Variants in FANCL observed in about 807,000 individuals in gnomAD.
FANCL encodes the protein FA complementation group L, also known as E3 ubiquitin-protein ligase FANCL.
In FANCL, 69 loss-of-function variants were observed where a neutral mutation model predicts 59.4. The ratio of observed to expected loss-of-function variants is 1.16; its 90% confidence interval spans 0.96 to 1.42. The LOEUF (loss-of-function observed/expected upper bound fraction) is 1.42. Ranked by LOEUF, FANCL falls within the 40% of genes most tolerant of loss-of-function variation. FANCL has a pLI of 0.00. For missense variants in FANCL, 519 were observed against 447.2 expected, an observed-to-expected ratio of 1.16 and a Z score of -1.45; for synonymous variants, 180 against 147.1, an observed-to-expected ratio of 1.22 and a Z score of -1.62.
At chr2:58,162,708 CCAAT>C (rs1685387368) in intron 11 of FANCL, among the ~76,000 whole-genome samples, 154 bp downstream of exon 11, 1 of 151,850 alleles carries the variant, frequency 6.6e-6, no homozygotes, top group East Asian at 1.9e-4. Context: ...TACTTAACAA[CCAAT>C]CAAAGGTAAA....
At chr2:58,216,954 G>A (rs1691782809) in intron 5 of FANCL, among the ~76,000 whole-genome samples, 1 of 150,718 alleles carries the variant, frequency 6.6e-6, no homozygotes, top group African/African-American at 2.4e-5. Context: ...TTTTATTACA[G>A]CTTTTTAAAT....
Position 58,191,226 on chromosome 2 carries a change from G to C in FANCL, c.540+7368C>G, listed in dbSNP as rs962341404. On this transcript the variant is annotated intron_variant, in intron 7 of 13. Transcript: ENST00000233741. ...GAGAGAATGTTAATAAATTATACTC[G>C]CATTAAAATAAATTTGCTTCACTAA... Among the ~76,000 whole-genome samples the C allele has an allele frequency of 2.6e-5, 4 of 151,482 alleles. No homozygotes were observed. In the East Asian group the frequency reaches 5.8e-4, roughly 22 times the overall value.
chr2:58,221,569 T>A (rs1053626599), intron 5 of FANCL, among the ~76,000 whole-genome samples: 2 of 152,194 alleles, frequency 1.3e-5, no homozygotes, highest in African/African-American at 4.8e-5. Flanking sequence ...AAATTGTATA[T>A]TAACCAAAAA....
At chr2:58,202,067 G>T (rs1404461) in intron 6 of FANCL, among the ~76,000 whole-genome samples, 23 of 151,442 alleles carry the variant, frequency 1.5e-4, no homozygotes, top group Middle Eastern at 3.4e-3. Context: ...TAGTGTAGTT[G>T]ACTGACAATC....
At chr2:58,196,688 C>T (rs1689454731) in intron 7 of FANCL, among the ~76,000 whole-genome samples, 3 of 152,006 alleles carry the variant, frequency 2.0e-5, no homozygotes, top group Non-Finnish European at 2.9e-5. Flanking sequence ...AAATAAAGTA[C>T]TAAACAATCT....
At chr2:58,207,780 C>T (rs1004492705) in intron 5 of FANCL, among the ~76,000 whole-genome samples, 2 of 152,098 alleles carry the variant, frequency 1.3e-5, no homozygotes, top group Admixed American at 1.3e-4. Flanking sequence ...TGTTTCATGT[C>T]GGGCATAATG....
At chr2:58,176,486 A>C (rs1687331194) in intron 7 of FANCL, among the ~76,000 whole-genome samples, 1 of 152,116 alleles carries the variant, frequency 6.6e-6, no homozygotes, top group Non-Finnish European at 1.5e-5. Context: ...CATATCTACA[A>C]CTACCTGATC....
intron 7 of FANCL, among the ~76,000 whole-genome samples, chr2:58,195,180 T>A: frequency 6.6e-6 from 1 of 152,200 alleles, no homozygotes; most frequent in East Asian, 1.9e-4. Flanking sequence ...TAAAAAAGAT[T>A]ACACATAACA....
Position 58,162,876 on chromosome 2 carries a change from A to G in FANCL, c.893T>C (p.Leu298Pro). Residue 298 changes from leucine to proline, a missense_variant, in exon 11 of 14, where the codon CTG (leucine) becomes CCG (proline). Coordinates refer to ENST00000233741, the MANE Select transcript of FANCL (RefSeq NM_018062.4). ...ACTGATAAAACTTACAGATTTTTCC[A>G]GGATAGCACGAGCTGGAAAATCAAT... ...LEIDFPARAI[L>P]EKSDFTMDCG... The G allele has an allele frequency of 6.2e-7, 1 of 1,612,016 alleles. No homozygotes were observed. Among genetic ancestry groups the G allele is most frequent in the Non-Finnish European group, 8.5e-7 (1 of 1,178,530 alleles).
rs994212546 is a variant in FANCL, at chr2:58,221,876, T to C, written c.374+66A>G. 3 of 1,165,266 alleles carry C rather than the reference T, an allele frequency of 2.6e-6. No homozygotes were observed. In the East Asian group the frequency reaches 7.7e-5, roughly 30 times the overall value. 72.2% of individuals were successfully genotyped at this position (1,165,266 alleles called of 1,614,324 possible). A position where few individuals can be genotyped will look rare whatever the true frequency, so the allele number is the denominator to read the frequency against. ...AAAATCAGGTATAAACTGCTAAAACTAGAAATACATTAAGTTAAAATATAT... is the reference window on the plus strand; with the variant it reads ...AAAATCAGGTATAAACTGCTAAAACCAGAAATACATTAAGTTAAAATATAT... On this transcript the variant is annotated intron_variant, in intron 5 of 13. Transcript: ENST00000233741.
chr2:58,217,205 TATATATATATACACACACACACAC>T (rs1691904661), intron 5 of FANCL, among the ~76,000 whole-genome samples: 7 of 8,924 alleles, frequency 7.8e-4, no homozygotes, highest in African/African-American at 3.0e-3. Context: ...TATATATATA[TATATATATATACACACACACACAC>T]ACACACACAC....
intron 5 of FANCL, among the ~76,000 whole-genome samples, chr2:58,206,697 A>C (rs1368663712): frequency 2.0e-5 from 3 of 152,186 alleles, no homozygotes; most frequent in East Asian, 1.9e-4. Flanking sequence ...ACTACAGAAA[A>C]AGTGCCACGC....
At chr2:58,173,041 C>T (rs971344524) in intron 7 of FANCL, among the ~76,000 whole-genome samples, 22 of 151,848 alleles carry the variant, frequency 1.4e-4, no homozygotes, top group African/African-American at 4.4e-4. Flanking sequence ...GTATCAGTGA[C>T]GGAAGATGAA....
chr2:58,197,673 G>A (rs986739420), intron 7 of FANCL, among the ~76,000 whole-genome samples: 2 of 152,240 alleles, frequency 1.3e-5, no homozygotes, highest in Middle Eastern at 3.4e-3. Context: ...ACAGAAGCAG[G>A]AGAATCTTCT....
chr2:58,218,463 A>G (rs1002856926), intron 5 of FANCL, among the ~76,000 whole-genome samples: 11 of 152,028 alleles, frequency 7.2e-5, no homozygotes, highest in Non-Finnish European at 1.5e-4. Flanking sequence ...CAGCATCACT[A>G]TAGATCCTAA....
At chr2:58,193,242 TA>T (rs1573651702) in intron 7 of FANCL, among the ~76,000 whole-genome samples, 1 of 152,068 alleles carries the variant, frequency 6.6e-6, no homozygotes, top group African/African-American at 2.4e-5. Flanking sequence ...TTATCAATGA[TA>T]TTTTTTAAAT....
chr2:58,221,972 A>G lies in FANCL; in HGVS notation c.344T>C (p.Ile115Thr), dbSNP rs1060501895. 1.2e-6 allele frequency: 2 copies of G among 1,613,234 alleles called. No individual in the cohort carries two copies. Among genetic ancestry groups the G allele is most frequent in the Admixed American group, 1.7e-5 (1 of 59,988 alleles). Residue 115 changes from isoleucine to threonine, a missense_variant, in exon 5 of 14, where the codon ATT becomes ACT. Coordinates refer to ENST00000233741, the MANE Select transcript of FANCL (RefSeq NM_018062.4). ...CCAACCAAGAGTTCCTATCTCTTCA[A>G]TAAGGCTTGAGTAGAACTGGGGAGG... Reference protein sequence around the residue: ...PPPPQFYSSLIEEIGTLGWDK... With the variant: ...PPPPQFYSSLTEEIGTLGWDK...
At chr2:58,218,123 GATAGTA>G (rs751939371) in intron 5 of FANCL, among the ~76,000 whole-genome samples, 12 of 151,930 alleles carry the variant, frequency 7.9e-5, no homozygotes, top group Non-Finnish European at 7.4e-5. Flanking sequence ...ATTTTTAACT[GATAGTA>G]ATAGAAATAT....
At chr2:58,167,882 A>T (rs1686114643) in intron 7 of FANCL, among the ~76,000 whole-genome samples, 2 of 152,190 alleles carry the variant, frequency 1.3e-5, no homozygotes, top group South Asian at 4.1e-4. Context: ...AAACTATTAT[A>T]TCAGTAAGCT....
Sources: gnomAD v4.1 joint callset for allele counts (sites outside exome capture counted in the v4.1 genomes callset) on GRCh38, gnomAD v4.1.1 for gene constraint, MANE v1.5 for transcripts, NCBI Gene and HGNC (gene_info 2026-07-23, HGNC 2026-07-21) for gene names.